RRAGD: variants seen among roughly 807,000 people sequenced by gnomAD.
The protein encoded by RRAGD is ras-related GTP-binding protein D.
In RRAGD, 12 loss-of-function variants were observed where a neutral mutation model predicts 35.5. The observed-to-expected ratio is 0.34, with a 90% CI of 0.22 to 0.55. The LOEUF (loss-of-function observed/expected upper bound fraction) is 0.55, where lower values mean the gene tolerates loss of function less well. Ranked by LOEUF, RRAGD falls within the 20% of genes least tolerant of loss-of-function variation. The pLI, the probability that RRAGD is intolerant of heterozygous loss-of-function variation, is 0.91. For synonymous variants in RRAGD, 155 were observed against 178.9 expected (o/e 0.87, Z 1.07); for missense variants, 324 against 490.1 (o/e 0.66, Z 3.20).
At chr6:89,383,133 G>A (rs1769078118) in intron 2 of RRAGD, among the ~76,000 whole-genome samples, 1 of 152,190 alleles carries the variant, frequency 6.6e-6, no homozygotes, top group South Asian at 2.1e-4. Flanking sequence ...GTTACATGGT[G>A]TACACATTGG....
chr6:89,367,906 G>A lies in RRAGD; in HGVS notation c.*150C>T. 1 of 598,396 alleles carries A rather than the reference G, an allele frequency of 1.7e-6. No individual in the cohort carries two copies. Among genetic ancestry groups the A allele is most frequent in the Non-Finnish European group, 2.6e-6 (1 of 377,484 alleles). 37.1% of individuals were successfully genotyped at this position (598,396 alleles called of 1,614,324 possible). On this transcript the variant is annotated 3_prime_UTR_variant, in exon 7 of 7. Coordinates refer to ENST00000369415, the MANE Select transcript of RRAGD (RefSeq NM_021244.5). ...AAGTGCTTACTTTATTTATAAAAGA[G>A]AAGATCAAGAGGGTTGCAGGAATTT...
At chr6:89,398,450 G>A (rs1484785996) in intron 1 of RRAGD, among the ~76,000 whole-genome samples, 1 of 152,258 alleles carries the variant, frequency 6.6e-6, no homozygotes, top group Non-Finnish European at 1.5e-5. Flanking sequence ...ACAATGCAAA[G>A]TGGAGGGAAA....
At chr6:89,381,512 C>G (rs192869694) in intron 2 of RRAGD, among the ~76,000 whole-genome samples, 1 of 152,296 alleles carries the variant, frequency 6.6e-6, no homozygotes, top group African/African-American at 2.4e-5. Flanking sequence ...CTAGAGACAA[C>G]CACTATCCCA....
intron 2 of RRAGD, among the ~76,000 whole-genome samples, chr6:89,381,996 G>A (rs1411546385): frequency 1.3e-5 from 2 of 149,606 alleles, no homozygotes; most frequent in Non-Finnish European, 3.0e-5. Flanking sequence ...TGAAGGGTGT[G>A]AACAGGTCTT....
In RRAGD at chr6:89,387,600, C is replaced by T. The variant is rs945886799; in HGVS notation, c.149-10G>A. On this transcript the variant is annotated splice_polypyrimidine_tract_variant and intron_variant, in intron 1 of 6. Coordinates refer to ENST00000369415, the MANE Select transcript of RRAGD (RefSeq NM_021244.5). The stretch of plus-strand genomic sequence containing the variant: ...TCACTGAAGTCCAGAACTGGAGAAA[C>T]CACAAAATGAGAATGAAGGTGAGAT... 2.5e-6 allele frequency: 4 copies of T among 1,601,486 alleles called. No homozygotes were observed. Among genetic ancestry groups the T allele is most frequent in the Non-Finnish European group, 3.4e-6 (4 of 1,173,368 alleles).
chr6:89,380,111 C>A (rs1326517421), intron 3 of RRAGD, 57 bp downstream of exon 3: 1 of 1,550,188 alleles, frequency 6.5e-7, no homozygotes, highest in African/African-American at 1.4e-5. Flanking sequence ...GACTCCGAAC[C>A]CCAAACTTGC....
intron 1 of RRAGD, among the ~76,000 whole-genome samples, chr6:89,401,213 T>C (rs941895296): frequency 3.3e-5 from 5 of 151,812 alleles, no homozygotes; most frequent in African/African-American, 7.3e-5. Flanking sequence ...GGAATGCAGT[T>C]TGAAGGCAAG....
chr6:89,396,105 C>T (rs1232492786), intron 1 of RRAGD, among the ~76,000 whole-genome samples: 1 of 152,064 alleles, frequency 6.6e-6, no homozygotes, highest in Non-Finnish European at 1.5e-5. Flanking sequence ...ATGACACCCT[C>T]CCCCAAAAAT....
In RRAGD at chr6:89,411,957, C is replaced by G. The variant is rs909809881; in HGVS notation, c.37G>C (p.Glu13Gln). The part of the protein sequence containing the change: ...QVLGKPQPQD[E>Q]DDAEEEEEED... ...TCCTCCTCCTCCTCCGCGTCGTCCT[C>G]GTCCTGCGGCTGCGGCTTCCCCAGC... Residue 13 changes from glutamate (E) to glutamine (Q), a missense_variant, in exon 1 of 7, where the codon GAG (glutamate) becomes CAG (glutamine). Glu to Gln is a conservative substitution (Grantham distance 29). Transcript: ENST00000369415. The surrounding 1 kb of genome is among the most constrained non-coding windows in gnomAD (Gnocchi z 5.6). The G allele has an allele frequency of 3.9e-6, 6 of 1,538,100 alleles. No homozygotes were observed. The highest frequency in any genetic ancestry group is 3.6e-5 in the South Asian group (3 of 83,932).
intron 1 of RRAGD, among the ~76,000 whole-genome samples, chr6:89,399,370 A>C (rs1377178313): frequency 6.6e-6 from 1 of 152,218 alleles, no homozygotes; most frequent in East Asian, 1.9e-4. Context: ...CCAACCATTA[A>C]ACAGCTGAGA....
intron 1 of RRAGD, among the ~76,000 whole-genome samples, chr6:89,394,900 A>C (rs1769304663): frequency 6.6e-6 from 1 of 152,164 alleles, no homozygotes. Context: ...TATATAATTA[A>C]AATTGGCTTT....
At chr6:89,398,255 T>G (rs1769379142) in intron 1 of RRAGD, among the ~76,000 whole-genome samples, 1 of 152,238 alleles carries the variant, frequency 6.6e-6, no homozygotes, top group South Asian at 2.1e-4. Flanking sequence ...GTTCTTTATC[T>G]TGACTGTGCT....
chr6:89,381,747 TAA>T (rs1168525709), intron 2 of RRAGD, among the ~76,000 whole-genome samples: 1 of 152,226 alleles, frequency 6.6e-6, no homozygotes, highest in Admixed American at 6.5e-5. Flanking sequence ...AATGGCTCTA[TAA>T]AACTTCCTTT....
intron 6 of RRAGD, among the ~76,000 whole-genome samples, chr6:89,368,768 A>C (rs1221536845): frequency 1.3e-5 from 2 of 152,178 alleles, no homozygotes; most frequent in East Asian, 3.8e-4. Context: ...AACCAATGAC[A>C]CTCAGCTTTT....
At chr6:89,373,469 C>T (rs1022407054) in intron 5 of RRAGD, among the ~76,000 whole-genome samples, 4 of 152,032 alleles carry the variant, frequency 2.6e-5, no homozygotes, top group African/African-American at 9.7e-5. Flanking sequence ...AAAAATTAGA[C>T]AGGCACCACG....
chr6:89,369,719 C>A (rs1393278333), intron 6 of RRAGD, among the ~76,000 whole-genome samples: 1 of 152,160 alleles, frequency 6.6e-6, no homozygotes, highest in African/African-American at 2.4e-5. Flanking sequence ...TTGTTCTTGA[C>A]AAACCTTAAC....
intron 1 of RRAGD, among the ~76,000 whole-genome samples, chr6:89,397,409 T>C (rs1011841797): frequency 6.6e-6 from 1 of 152,196 alleles, no homozygotes; most frequent in Non-Finnish European, 1.5e-5. Context: ...ATGAAAGTTT[T>C]TGTCCATATA....
At chr6:89,390,183 A>G (rs1333385705) in intron 1 of RRAGD, among the ~76,000 whole-genome samples, 1 of 152,224 alleles carries the variant, frequency 6.6e-6, no homozygotes, top group Non-Finnish European at 1.5e-5. Flanking sequence ...AGCAACAGAA[A>G]AAAAAACAGA....
intron 1 of RRAGD, among the ~76,000 whole-genome samples, chr6:89,408,948 A>C (rs1769643224): frequency 6.6e-6 from 1 of 152,090 alleles, no homozygotes; most frequent in African/African-American, 2.4e-5. Flanking sequence ...GGTGAGACTC[A>C]CCTTACCTGC....
Sources: allele counts gnomAD v4.1 joint callset (sites outside exome capture counted in the v4.1 genomes callset), GRCh38; gene constraint gnomAD v4.1.1; non-coding constraint Gnocchi (gnomAD v3.1); transcripts MANE v1.5; gene names NCBI Gene and HGNC (gene_info 2026-07-23, HGNC 2026-07-21).